Variants in BZW2 observed in about 807,000 individuals in gnomAD.
BZW2 encodes basic leucine zipper and W2 domains 2.
Under a neutral mutation model 53.2 loss-of-function variants are expected in BZW2, and 23 were observed. The observed-to-expected ratio is 0.43, with a 90% confidence interval of 0.31 to 0.61. BZW2 has a LOEUF of 0.61. Ranked by LOEUF, BZW2 falls within the 20% of genes least tolerant of loss-of-function variation. The pLI is 0.09. For missense variants in BZW2, 409 were observed against 503.1 expected (o/e 0.81, Z 1.79); for synonymous variants, 227 against 186.4 (o/e 1.22, Z -1.77).
chr7:16,646,216 T>TGCTGCTGCC lies in BZW2; in HGVS notation c.-71_-63dup. On this transcript the variant is annotated 5_prime_UTR_variant, in exon 1 of 12. Transcript: ENST00000258761. ...TGTCTGCCGCCACTGCTGCTGCTGC[T>TGCTGCTGCC]GCTGCTGCCGCTGCTGCTGCACGAA... 5.8e-6 allele frequency: 2 copies of TGCTGCTGCC among 345,736 alleles called. No homozygotes were observed. The highest frequency in any genetic ancestry group is 3.1e-5 in the Admixed American group (1 of 32,412). 21.4% of individuals were successfully genotyped at this position (345,736 alleles called of 1,614,324 possible).
intron 3 of BZW2, among the ~76,000 whole-genome samples, chr7:16,677,247 A>T (rs1361944339): frequency 6.6e-6 from 1 of 152,112 alleles, no homozygotes; most frequent in South Asian, 2.1e-4. Flanking sequence ...TTGCCTAATT[A>T]GCATTTTAGT....
chr7:16,669,488 A>G (rs1301334572), intron 2 of BZW2, among the ~76,000 whole-genome samples: 3 of 152,256 alleles, frequency 2.0e-5, no homozygotes, highest in African/African-American at 7.2e-5. Context: ...TAACTAAATG[A>G]GCAAACCTTT....
rs1010087484 is a variant in BZW2 at position 16,674,352 on chromosome 7, T to A, written c.59-60T>A. The A allele has an allele frequency of 2.3e-6, 3 of 1,280,194 alleles. No homozygotes were observed. The Admixed American group carries it at 7.2e-5, about 31-fold the overall frequency. 79.3% of individuals were successfully genotyped at this position (1,280,194 alleles called of 1,614,324 possible). A position where few individuals can be genotyped will look rare whatever the true frequency, so the allele number is the denominator to read the frequency against. Reference sequence around the variant, plus strand: ...GATAAAATAGAATTAAAGTTTTGATTGTTATACTCTCAGTATTTATTTATT... The same window carrying A: ...GATAAAATAGAATTAAAGTTTTGATAGTTATACTCTCAGTATTTATTTATT... On this transcript the variant is annotated intron_variant, in intron 2 of 11. Coordinates refer to ENST00000258761, the MANE Select transcript of BZW2 (RefSeq NM_014038.3).
At chr7:16,674,902 A>G (rs969044419) in intron 3 of BZW2, among the ~76,000 whole-genome samples, 14 of 152,272 alleles carry the variant, frequency 9.2e-5, no homozygotes, top group African/African-American at 3.1e-4. Context: ...GGGCCATAAA[A>G]GGGGTAATTT....
At chr7:16,688,911 C>T (rs1435917837) in intron 6 of BZW2, among the ~76,000 whole-genome samples, 2 of 152,020 alleles carry the variant, frequency 1.3e-5, no homozygotes, top group African/African-American at 4.8e-5. Context: ...ATTTTTATAG[C>T]TTAACTCAAG....
chr7:16,661,957 A>G (rs1029145692), intron 1 of BZW2, among the ~76,000 whole-genome samples: 1 of 152,140 alleles, frequency 6.6e-6, no homozygotes. Flanking sequence ...TTGAAAATAC[A>G]TTGTAGGGCA....
At chr7:16,661,024 T>A (rs1328619251) in intron 1 of BZW2, among the ~76,000 whole-genome samples, 62 of 152,294 alleles carry the variant, frequency 4.1e-4, no homozygotes, top group Non-Finnish European at 8.8e-5. Flanking sequence ...AATATTTTTC[T>A]TTTATTTCTT....
rs931475915 is a variant in BZW2, at chr7:16,665,366, C to G, written c.-7-71C>G. On this transcript the variant is annotated intron_variant, in intron 1 of 11. Transcript: ENST00000258761. ...GAGGTTGAACATATGTTCAACCAAA[C>G]TTATTGGCCATATGTTTTCCATATA... 2.5e-6 allele frequency: 4 copies of G among 1,573,044 alleles called. No individual in the cohort carries two copies. In the African/African-American group the frequency reaches 5.4e-5, roughly 21 times the overall value.
At chr7:16,690,831 T>C (rs1266321747) in intron 7 of BZW2, among the ~76,000 whole-genome samples, 1 of 152,214 alleles carries the variant, frequency 6.6e-6, no homozygotes, top group Admixed American at 6.5e-5. Context: ...TTCTTTCTTC[T>C]TGATGCAGCA....
intron 7 of BZW2, among the ~76,000 whole-genome samples, chr7:16,690,622 A>G (rs1423150831): frequency 6.6e-6 from 1 of 152,218 alleles, no homozygotes; most frequent in Non-Finnish European, 1.5e-5. Flanking sequence ...TGCTAATCTC[A>G]AATGTGTGTT....
rs527700475 is a variant in BZW2 at position 16,696,542 on chromosome 7, T to C, written c.823-373T>C. On this transcript the variant is annotated intron_variant, in intron 8 of 11. Transcript: ENST00000258761. ...ATCAAGAGGTTTTAAAGTTTAGGGA[T>C]GGGATAAAAGTTCACAACGCTGTTG... 2.8e-4 allele frequency among the ~76,000 whole-genome samples: 36 copies of C among 127,482 alleles called. No individual in the cohort carries two copies. The East Asian group carries it at 6.9e-3, about 24-fold the overall frequency. 83.6% of individuals were successfully genotyped at this position (127,482 alleles called of 152,430 possible). A position where few individuals can be genotyped will look rare whatever the true frequency, so the allele number is the denominator to read the frequency against.
chr7:16,666,555 A>G (rs992795759), intron 2 of BZW2, among the ~76,000 whole-genome samples: 1 of 152,170 alleles, frequency 6.6e-6, no homozygotes, highest in Non-Finnish European at 1.5e-5. Flanking sequence ...GGCAACCGCC[A>G]TCATACCCAG....
chr7:16,671,959 A>G (rs1193281170), intron 2 of BZW2, among the ~76,000 whole-genome samples: 1 of 150,050 alleles, frequency 6.7e-6, no homozygotes, highest in Non-Finnish European at 1.5e-5. Context: ...CGGAACACTA[A>G]CAAGAATTCT....
At position 16,685,329 on chromosome 7, in the gene BZW2, A is replaced by G. The variant is rs971370428; in HGVS notation, c.406-576A>G. On this transcript the variant is annotated intron_variant, in intron 5 of 11. Transcript: ENST00000258761. ...CTAGAAAACCCCTTTCTCCCTCAAC[A>G]GTCTTGTTTTGAAGACTGTTGTATT... 3.9e-5 allele frequency among the ~76,000 whole-genome samples: 6 copies of G among 152,260 alleles called. 1 individual carries two copies. Among genetic ancestry groups the G allele is most frequent in the Admixed American group, 6.5e-5 (1 of 15,310 alleles).
chr7:16,689,355 G>A (rs1783230485), intron 6 of BZW2, among the ~76,000 whole-genome samples: 3 of 152,076 alleles, frequency 2.0e-5, no homozygotes, highest in Admixed American at 6.6e-5. Context: ...TCTTGTACTG[G>A]CATCCTTTAT....
At chr7:16,659,202 T>C (rs1235956265) in intron 1 of BZW2, among the ~76,000 whole-genome samples, 1 of 152,166 alleles carries the variant, frequency 6.6e-6, no homozygotes, top group Non-Finnish European at 1.5e-5. Context: ...ATCTACCTTA[T>C]AAAGAGTTAT....
Position 16,675,240 on chromosome 7 carries a change from A to T in BZW2, c.235+652A>T, listed in dbSNP as rs532634950. Among the ~76,000 whole-genome samples the T allele has an allele frequency of 3.3e-5, 5 of 152,342 alleles. No individual in the cohort carries two copies. The East Asian group carries it at 9.6e-4, about 29-fold the overall frequency. ...TAGTCATTCTTAGATCTGAGTTCTT[A>T]TCGTTAGTTCCTGTCGTAGCTGTAA... On this transcript the variant is annotated intron_variant, in intron 3 of 11. Transcript: ENST00000258761.
chr7:16,651,742 G>T (rs1157542974), intron 1 of BZW2, among the ~76,000 whole-genome samples: 1 of 152,116 alleles, frequency 6.6e-6, no homozygotes, highest in African/African-American at 2.4e-5. Flanking sequence ...AGGCAATATT[G>T]TTAAATTCTC....
At chr7:16,674,254 ATTTG>A (rs1782698426) in intron 2 of BZW2, among the ~76,000 whole-genome samples, 154 bp from the exon 3 acceptor site, 1 of 151,670 alleles carries the variant, frequency 6.6e-6, no homozygotes. Context: ...TGCCATCTTT[ATTTG>A]TTTGTTTATA....
Sources: gnomAD v4.1 joint callset for allele counts (sites outside exome capture counted in the v4.1 genomes callset) on GRCh38, gnomAD v4.1.1 for gene constraint, MANE v1.5 for transcripts, NCBI Gene and HGNC (gene_info 2026-07-23, HGNC 2026-07-21) for gene names.